The following CUBN variants were observed in gnomAD, a reference collection of about 807,000 sequenced individuals.
The protein encoded by CUBN is 460 kDa receptor.
A neutral mutation model predicts 405.3 loss-of-function variants in CUBN; 282 were observed. That is an observed-to-expected ratio of 0.70 (90% confidence interval 0.63 to 0.77). The LOEUF (loss-of-function observed/expected upper bound fraction) is 0.77, where lower values mean the gene tolerates loss of function less well. CUBN is among the 30% of genes least tolerant of loss of function. The pLI is 0.00. For missense variants in CUBN, 4,514 were observed against 4,475.2 expected (o/e 1.01, Z -0.25); for synonymous variants, 1,684 against 1,617.0 (o/e 1.04, Z -0.99).
intron 56 of CUBN, among the ~76,000 whole-genome samples, chr10:16,885,275 A>G (rs1840779169): frequency 6.6e-6 from 1 of 152,216 alleles, no homozygotes. Context: ...CAGTTTGAAA[A>G]TGCTGAACAC....
chr10:16,971,831 CT>C (rs879582828), intron 31 of CUBN, among the ~76,000 whole-genome samples: 4 of 152,030 alleles, frequency 2.6e-5, no homozygotes, highest in Non-Finnish European at 5.9e-5. Flanking sequence ...CAACTCTCCA[CT>C]GATTTTGGTT....
rs1445966249 is a variant in CUBN, at chr10:17,129,646, T to C, written c.120A>G (p.Gln40=). ...GAATGACCCATGTGTTTACTTACTGTTGGAGATTGATGCTTCTTTTTTGTC... is the reference window on the plus strand; with the variant it reads ...GAATGACCCATGTGTTTACTTACTGCTGGAGATTGATGCTTCTTTTTTGTC... ...LQRQKRSINL[Q]QPRMATERGN... is the part of the protein sequence containing the mutation. The change falls in exon 1 of 67, where the codon CAA becomes CAG. Residue 40 remains glutamine (Q), a splice_region_variant and synonymous_variant. Coordinates refer to ENST00000377833, the MANE Select transcript of CUBN (RefSeq NM_001081.4). The C allele has an allele frequency of 1.9e-6, 3 of 1,614,210 alleles. No individual in the cohort carries two copies. Among genetic ancestry groups the C allele is most frequent in the Non-Finnish European group, 2.5e-6 (3 of 1,180,008 alleles).
chr10:16,842,856 T>A (rs1264972878), intron 60 of CUBN, among the ~76,000 whole-genome samples: 9 of 152,140 alleles, frequency 5.9e-5, no homozygotes, highest in African/African-American at 1.7e-4. Flanking sequence ...ACTTCCTTCA[T>A]CCCAGGAGGA....
At chr10:16,863,501 C>T (rs7893395) in intron 59 of CUBN, among the ~76,000 whole-genome samples, 33,538 of 152,082 alleles carry the variant, frequency 0.22, 4,415 homozygotes, top group East Asian at 0.61. Flanking sequence ...ATTTGTACTT[C>T]TAACAGTAAC....
chr10:17,043,780 C>T, intron 26 of CUBN, 47 bp downstream of exon 26: 1 of 1,583,112 alleles, frequency 6.3e-7, no homozygotes, highest in Non-Finnish European at 8.6e-7. Flanking sequence ...GGTATTCACA[C>T]TTACTCTGCC....
intron 58 of CUBN, among the ~76,000 whole-genome samples, chr10:16,871,566 T>G (rs1326152645): frequency 6.6e-6 from 1 of 152,016 alleles, no homozygotes; most frequent in Non-Finnish European, 1.5e-5. Flanking sequence ...TTGATTTTCT[T>G]TTACCACATT....
At chr10:16,888,808 T>C (rs1305054695) in intron 55 of CUBN, among the ~76,000 whole-genome samples, 1 of 152,162 alleles carries the variant, frequency 6.6e-6, no homozygotes, top group East Asian at 1.9e-4. Flanking sequence ...CCTCGTAATA[T>C]TACCACAAAT....
intron 57 of CUBN, among the ~76,000 whole-genome samples, chr10:16,876,386 AGTT>A (rs1430889930): frequency 6.6e-6 from 1 of 152,226 alleles, no homozygotes; most frequent in African/African-American, 2.4e-5. Flanking sequence ...GATGCAGAGA[AGTT>A]GTAAATTATA....
intron 14 of CUBN, among the ~76,000 whole-genome samples, chr10:17,090,094 A>T (rs1378965444): frequency 1.3e-5 from 2 of 152,146 alleles, no homozygotes; most frequent in Non-Finnish European, 2.9e-5. Flanking sequence ...AAAATAAAAA[A>T]CAAAAGACTA....
At chr10:16,853,381 C>T (rs998582847) in intron 59 of CUBN, among the ~76,000 whole-genome samples, 1 of 152,170 alleles carries the variant, frequency 6.6e-6, no homozygotes, top group Non-Finnish European at 1.5e-5. Flanking sequence ...TTTCTGCTCA[C>T]GGTGAAAAGA....
chr10:17,041,028 C>T lies in CUBN; in HGVS notation c.4017+5G>A, dbSNP rs1835005468. The T allele has an allele frequency of 6.2e-7, 1 of 1,612,156 alleles. No homozygotes were observed. Among genetic ancestry groups the T allele is most frequent in the Non-Finnish European group, 8.5e-7 (1 of 1,178,334 alleles). On this transcript the variant is annotated splice_donor_5th_base_variant and intron_variant, in intron 27 of 66. Coordinates refer to ENST00000377833, the MANE Select transcript of CUBN (RefSeq NM_001081.4). ...CAGTGATCAATCAAGCTTTATAATA[C>T]ATACCTCTAAATAATCTGTGGAGCA...
chr10:16,927,759 C>A (rs1438200977), intron 41 of CUBN, among the ~76,000 whole-genome samples: 1 of 152,224 alleles, frequency 6.6e-6, no homozygotes, highest in Non-Finnish European at 1.5e-5. Context: ...TGGCTGACTT[C>A]AACCAAGTAA....
At chr10:16,934,555 A>G (rs554929799) in intron 39 of CUBN, among the ~76,000 whole-genome samples, 6 of 152,252 alleles carry the variant, frequency 3.9e-5, no homozygotes, top group African/African-American at 1.4e-4. Flanking sequence ...TATGTGAAAT[A>G]TTTCTTATCT....
chr10:16,985,605 T>C (rs555128615), intron 29 of CUBN, among the ~76,000 whole-genome samples: 1 of 152,296 alleles, frequency 6.6e-6, no homozygotes, highest in East Asian at 1.9e-4. Context: ...AGCCTGCCCA[T>C]GAGGGCTTTG....
At chr10:17,039,695 G>C (rs1009572827) in intron 27 of CUBN, among the ~76,000 whole-genome samples, 3 of 152,070 alleles carry the variant, frequency 2.0e-5, no homozygotes, top group African/African-American at 7.2e-5. Flanking sequence ...CAAGGAAGGT[G>C]GACTTTAAAA....
chr10:17,080,240 A>T (rs1259414206), intron 17 of CUBN, among the ~76,000 whole-genome samples: 3 of 152,188 alleles, frequency 2.0e-5, no homozygotes, highest in Non-Finnish European at 4.4e-5. Flanking sequence ...TGGGCATTTT[A>T]AAATGTTTAT....
intron 17 of CUBN, among the ~76,000 whole-genome samples, chr10:17,079,232 A>ACC (rs1201604595): frequency 8.6e-6 from 1 of 115,880 alleles, no homozygotes; most frequent in African/African-American, 3.5e-5. Flanking sequence ...AAGAATGCAA[A>ACC]CTCTTTTTTT....
At chr10:16,828,166 C>CT (rs71505096) in intron 66 of CUBN, among the ~76,000 whole-genome samples, 22,915 of 151,836 alleles carry the variant, frequency 0.15, 2,001 homozygotes, top group East Asian at 0.35. Context: ...ACAGAGGGAG[C>CT]TTTTTTTTAA....
chr10:16,981,649 G>C (rs1833278302), intron 31 of CUBN, among the ~76,000 whole-genome samples: 1 of 152,156 alleles, frequency 6.6e-6, no homozygotes, highest in South Asian at 2.1e-4. Context: ...GCCGTGCACA[G>C]AGCCTGCTCC....
Sources: gnomAD v4.1 joint callset for allele counts (sites outside exome capture counted in the v4.1 genomes callset) on GRCh38, gnomAD v4.1.1 for gene constraint, MANE v1.5 for transcripts, NCBI Gene and HGNC (gene_info 2026-07-23, HGNC 2026-07-21) for gene names.